The following NPAT variants were observed in gnomAD, a reference collection of about 807,000 sequenced individuals.
NPAT encodes the protein nuclear protein, coactivator of histone transcription.
A neutral mutation model predicts 130.7 loss-of-function variants in NPAT; 52 were observed. The ratio of observed to expected loss-of-function variants is 0.40; its 90% CI spans 0.32 to 0.50. NPAT has a LOEUF of 0.50. NPAT is among the 20% of genes least tolerant of loss of function. NPAT has a pLI of 0.68. For synonymous variants in NPAT, 580 were observed against 584.8 expected (o/e 0.99, Z 0.12); for missense variants, 1,687 against 1,662.6 (o/e 1.01, Z -0.26).
intron 1 of NPAT, among the ~76,000 whole-genome samples, chr11:108,222,289 C>A (rs1345186090): frequency 6.6e-6 from 1 of 152,170 alleles, no homozygotes; most frequent in African/African-American, 2.4e-5. Context: ...TTCCCCTCGC[C>A]ACGCAGCCTC....
At chr11:108,163,356 C>T (rs1480207086) in intron 15 of NPAT, among the ~76,000 whole-genome samples, 1 of 152,132 alleles carries the variant, frequency 6.6e-6, no homozygotes, top group Non-Finnish European at 1.5e-5. Flanking sequence ...GCTGGGATTA[C>T]AGGAGTGAGC....
rs144124492 is a variant in NPAT, at chr11:108,167,081, A to G, written c.3010+2663T>C. 6.8e-3 allele frequency among the ~76,000 whole-genome samples: 1,038 copies of G among 152,338 alleles called. 16 individuals are homozygous for G. The highest frequency in any genetic ancestry group is 0.023 in the African/African-American group (962 of 41,570). ...TGTTGGCACCTAAAACACAATTTTA[A>G]TTAACCATACCTGGCAACTTTACTG... is the stretch of plus-strand genomic sequence containing the variant. On this transcript the variant is annotated intron_variant, in intron 15 of 17. Transcript: ENST00000278612.
At chr11:108,181,436 GC>G (rs1358059395) in intron 10 of NPAT, among the ~76,000 whole-genome samples, 1 of 151,408 alleles carries the variant, frequency 6.6e-6, no homozygotes, top group African/African-American at 2.4e-5. Context: ...CTGCATTCCA[GC>G]CAGGGTGACA....
intron 10 of NPAT, among the ~76,000 whole-genome samples, chr11:108,182,263 T>C (rs751860638): frequency 5.3e-5 from 8 of 152,108 alleles, no homozygotes; most frequent in Admixed American, 1.3e-4. Context: ...GCCCCACTCA[T>C]AGAATTGGTA....
In NPAT at chr11:108,176,352, A is replaced by G. The variant is rs1301099146; in HGVS notation, c.1026T>C (p.Asn342=). The G allele has an allele frequency of 2.6e-6, 4 of 1,553,756 alleles. No homozygotes were observed. The highest frequency in any genetic ancestry group is 3.6e-6 in the Non-Finnish European group (4 of 1,125,794). ...FDYGKTKNNK[N]ISQSISSQPM... ...GTTGACTGGAAATACTTTGTGATATATTTTTATTATTCTTTGTTTTGCCTG... is the reference window on the plus strand; with the variant it reads ...GTTGACTGGAAATACTTTGTGATATGTTTTTATTATTCTTTGTTTTGCCTG... Residue 342 remains asparagine (N), a synonymous_variant, in exon 12 of 18, where the codon AAT becomes AAC. Transcript: ENST00000278612.
intron 17 of NPAT, among the ~76,000 whole-genome samples, chr11:108,159,480 G>T (rs1323440694): frequency 6.6e-6 from 1 of 152,084 alleles, no homozygotes; most frequent in Non-Finnish European, 1.5e-5. Flanking sequence ...ACTCAGAAAG[G>T]CTACAGACTT....
At position 108,176,542 on chromosome 11, in the gene NPAT, C is replaced by T. The variant is rs2078008027; in HGVS notation, c.1004-168G>A. Reference sequence around the variant, plus strand: ...ATTTACAAGTACAAAGATTTTCCCACTAGACAGGTGTTTCTTAAACTTTAG... The same window carrying T: ...ATTTACAAGTACAAAGATTTTCCCATTAGACAGGTGTTTCTTAAACTTTAG... On this transcript the variant is annotated intron_variant, in intron 11 of 17. Transcript: ENST00000278612. Among the ~76,000 whole-genome samples the T allele has an allele frequency of 2.0e-5, 3 of 152,218 alleles. No individual in the cohort carries two copies. The South Asian group carries it at 6.2e-4, about 31-fold the overall frequency.
intron 1 of NPAT, among the ~76,000 whole-genome samples, chr11:108,207,784 G>A (rs1183840019): frequency 3.3e-5 from 5 of 152,146 alleles, no homozygotes; most frequent in African/African-American, 1.2e-4. Flanking sequence ...GCACCTGGGA[G>A]GGCAGGGCTC....
intron 10 of NPAT, among the ~76,000 whole-genome samples, chr11:108,177,891 T>TTA (rs2078024058): frequency 6.6e-6 from 1 of 152,060 alleles, no homozygotes; most frequent in South Asian, 2.1e-4. Flanking sequence ...CAGCTAGTTT[T>TTA]TATATTTTTA....
intron 13 of NPAT, 126 bp from the exon 14 acceptor site, chr11:108,170,169 G>C: frequency 1.0e-5 from 6 of 581,934 alleles, no homozygotes; most frequent in South Asian, 4.8e-5. Flanking sequence ...TCTTCCTTAC[G>C]ATCCACTCTC....
chr11:108,185,449 A>T lies in NPAT; in HGVS notation c.772T>A (p.Ser258Thr), dbSNP rs768157222. 11 of 1,612,092 alleles carry T rather than the reference A, an allele frequency of 6.8e-6. No individual in the cohort carries two copies. Among genetic ancestry groups the T allele is most frequent in the Non-Finnish European group, 8.5e-6 (10 of 1,178,592 alleles). The change falls in exon 9 of 18, where the codon TCT becomes ACT. Residue 258 changes from serine (S) to threonine (T), a missense_variant. Coordinates refer to ENST00000278612, the MANE Select transcript of NPAT (RefSeq NM_002519.3). ...NAREKILSNK[S>T]LQEKLAENIN... Reference sequence around the variant, plus strand: ...TTTTCTGCTAGCTTTTCTTGAAGAGATTTGTTGCTTAGTATTTTTTCTCGT... The same window carrying T: ...TTTTCTGCTAGCTTTTCTTGAAGAGTTTTGTTGCTTAGTATTTTTTCTCGT...
At chr11:108,192,483 T>G (rs184482903) in intron 3 of NPAT, among the ~76,000 whole-genome samples, 98 of 152,320 alleles carry the variant, frequency 6.4e-4, no homozygotes, top group African/African-American at 2.3e-3. Flanking sequence ...GGAGAAACAA[T>G]TTTTTGATCT....
rs769067898 is a variant in NPAT, at chr11:108,177,063, T to G, written c.934A>C (p.Ile312Leu). 6.8e-6 allele frequency: 11 copies of G among 1,612,650 alleles called. No individual in the cohort carries two copies. The Admixed American group carries it at 1.7e-4, about 24-fold the overall frequency. The change falls in exon 11 of 18, where the codon ATA (isoleucine) becomes CTA (leucine). Residue 312 changes from isoleucine (I) to leucine (L), a missense_variant. Transcript: ENST00000278612. ...TCTGTCTGTTCCAATATGTCCTGTA[T>G]AGCTTCTTCAGACATGTGAATTTCA... ...PSEIHMSEEA[I>L]QDILEQTESD...
intron 1 of NPAT, among the ~76,000 whole-genome samples, chr11:108,198,874 C>T (rs1458793026): frequency 6.6e-6 from 1 of 152,244 alleles, no homozygotes; most frequent in East Asian, 1.9e-4. Context: ...CCAGTGTCCA[C>T]ATAACCTCAT....
intron 8 of NPAT, among the ~76,000 whole-genome samples, 183 bp downstream of exon 8, chr11:108,186,299 T>C (rs1432019982): frequency 6.6e-6 from 1 of 152,144 alleles, no homozygotes; most frequent in East Asian, 1.9e-4. Context: ...TTACAGGTGT[T>C]TGCCATAGCA....
At chr11:108,176,171 A>C in intron 12 of NPAT, 75 bp downstream of exon 12, 2 of 1,118,510 alleles carry the variant, frequency 1.8e-6, no homozygotes, top group Non-Finnish European at 2.7e-6. Context: ...CTTCCAAATT[A>C]ATATTTTCTG....
At position 108,203,900 on chromosome 11, in the gene NPAT, A is replaced by C. The variant is rs550665615; in HGVS notation, c.38-6480T>G. ...TCTAGCTCCTCTTTGTATAATACAC[A>C]TATTTGGTCCATGTATATTTAACCT... On this transcript the variant is annotated intron_variant, in intron 1 of 17. Coordinates refer to ENST00000278612, the MANE Select transcript of NPAT (RefSeq NM_002519.3). Among the ~76,000 whole-genome samples the C allele has an allele frequency of 4.6e-5, 7 of 152,272 alleles. No homozygotes were observed. The South Asian group carries it at 1.5e-3, about 32-fold the overall frequency.
chr11:108,221,614 G>T (rs990344434), intron 1 of NPAT, among the ~76,000 whole-genome samples: 3 of 152,176 alleles, frequency 2.0e-5, no homozygotes, highest in African/African-American at 7.2e-5. Context: ...TAGTAGTAAT[G>T]GCTGTGAATA....
chr11:108,165,220 T>C (rs1436489915), intron 15 of NPAT, among the ~76,000 whole-genome samples: 1 of 152,048 alleles, frequency 6.6e-6, no homozygotes, highest in Non-Finnish European at 1.5e-5. Context: ...AACAGAAACT[T>C]TAAATTCTAG....
Sources: allele counts gnomAD v4.1 joint callset (sites outside exome capture counted in the v4.1 genomes callset), GRCh38; gene constraint gnomAD v4.1.1; transcripts MANE v1.5; gene names NCBI Gene and HGNC (gene_info 2026-07-23, HGNC 2026-07-21).